Variants in GMPS observed in about 807,000 individuals in gnomAD.
GMPS encodes GMP synthase [glutamine-hydrolyzing].
In GMPS, 15 loss-of-function variants were observed where a neutral mutation model predicts 77.9. The ratio of observed to expected loss-of-function variants is 0.19; its 90% CI spans 0.13 to 0.30. The LOEUF is 0.30. Among genes scored for constraint, GMPS ranks in the 10% least tolerant of loss-of-function variants. The pLI, the probability that GMPS is intolerant of heterozygous loss-of-function variation, is 1.00. For missense variants in GMPS, 590 were observed against 838.8 expected, an observed-to-expected ratio of 0.70 and a Z score of 3.66; for synonymous variants, 224 against 275.9, an observed-to-expected ratio of 0.81 and a Z score of 1.86.
chr3:155,896,565 C>G (rs1214065713), intron 2 of GMPS, among the ~76,000 whole-genome samples: 1 of 148,502 alleles, frequency 6.7e-6, no homozygotes, highest in African/African-American at 2.5e-5. Context: ...TTTTTTTTTT[C>G]TCTCACTGTT....
chr3:155,943,541 AT>A lies in GMPS; in HGVS notation c.*5855del, dbSNP rs1755944686. 1 of 178,714 alleles carries A rather than the reference AT, an allele frequency of 5.6e-6. No homozygotes were observed. Among genetic ancestry groups the A allele is most frequent in the Admixed American group, 6.3e-5 (1 of 15,874 alleles). 11.1% of individuals were successfully genotyped at this position (178,714 alleles called of 1,614,324 possible). A position where few individuals can be genotyped will look rare whatever the true frequency, so the allele number is the denominator to read the frequency against. On this transcript the variant is annotated 3_prime_UTR_variant, in exon 16 of 16. Transcript: ENST00000496455. ...TGAATGTAAACCTCCTTTTGAACAT[AT>A]TTTTTATAAAGAAATATTTTGTTAA...
At position 155,870,786 on chromosome 3, in the gene GMPS, C is replaced by G. The variant is rs1194871151; in HGVS notation, c.-85C>G. On this transcript the variant is annotated 5_prime_UTR_variant, in exon 1 of 16. Coordinates refer to ENST00000496455, the MANE Select transcript of GMPS (RefSeq NM_003875.3). ...CTCGACCAGGCCTCCTTCTCAACCT[C>G]AGCCCGCGGCGCCGACCCTTCCGGC... 3 of 927,222 alleles carry G rather than the reference C, an allele frequency of 3.2e-6. No individual in the cohort carries two copies. Among genetic ancestry groups the G allele is most frequent in the Non-Finnish European group, 4.9e-6 (3 of 610,014 alleles). The allele number at this position is 927,222 out of a possible 1,614,324, so 57.4% of individuals were successfully genotyped here.
At chr3:155,890,195 C>A (rs919717144) in intron 1 of GMPS, among the ~76,000 whole-genome samples, 1 of 152,184 alleles carries the variant, frequency 6.6e-6, no homozygotes, top group African/African-American at 2.4e-5. Context: ...GATTCAGTTT[C>A]TTCAGTAATC....
At chr3:155,914,011 ATC>A (rs1280232657) in intron 7 of GMPS, among the ~76,000 whole-genome samples, 2 of 151,892 alleles carry the variant, frequency 1.3e-5, no homozygotes, top group Non-Finnish European at 2.9e-5. Flanking sequence ...CAGTGGCACA[ATC>A]TCTGCTCACT....
chr3:155,925,044 C>T (rs1755416665), intron 11 of GMPS, among the ~76,000 whole-genome samples, 197 bp from the exon 12 acceptor site: 1 of 152,194 alleles, frequency 6.6e-6, no homozygotes, highest in African/African-American at 2.4e-5. Context: ...ATCTGCATTT[C>T]TTATCCTAAG....
intron 10 of GMPS, among the ~76,000 whole-genome samples, chr3:155,919,625 TTAA>T (rs1755267871): frequency 6.6e-6 from 1 of 152,210 alleles, no homozygotes; most frequent in Non-Finnish European, 1.5e-5. Context: ...TAAAGATATT[TTAA>T]TAATATTGCC....
intron 13 of GMPS, among the ~76,000 whole-genome samples, chr3:155,932,144 G>T (rs1444436349): frequency 6.6e-6 from 1 of 152,098 alleles, no homozygotes; most frequent in Non-Finnish European, 1.5e-5. Context: ...TTATTTTAGT[G>T]TAAAATATTA....
In GMPS at chr3:155,911,183, C is replaced by T; in HGVS notation, c.790C>T (p.Gln264Ter). The T allele has an allele frequency of 1.2e-6, 2 of 1,612,348 alleles. No individual in the cohort carries two copies. Among genetic ancestry groups the T allele is most frequent in the Non-Finnish European group, 1.7e-6 (2 of 1,178,520 alleles). The change falls in exon 7 of 16, where the codon CAA (glutamine) becomes TAA (stop). Residue 264 changes from glutamine to a stop codon, truncating the protein, a stop_gained. Coordinates refer to ENST00000496455, the MANE Select transcript of GMPS (RefSeq NM_003875.3). LOFTEE classifies it high-confidence loss of function. ...ALLNRALNQE[Q>*]VIAVHIDNGF... ...GCTAAATCGTGCTTTGAACCAAGAACAAGTCATTGCTGTGCACATTGATAA... is the reference window on the plus strand; with the variant it reads ...GCTAAATCGTGCTTTGAACCAAGAATAAGTCATTGCTGTGCACATTGATAA...
In GMPS at chr3:155,942,241, T is replaced by G; in HGVS notation, c.*4549T>G. On this transcript the variant is annotated 3_prime_UTR_variant, in exon 16 of 16. Transcript: ENST00000496455. ...AGCTGGGACTACAGGCGCCCGCCACTACGCCCGGCTAATTTTTTTGTACTT... is the reference window on the plus strand; with the variant it reads ...AGCTGGGACTACAGGCGCCCGCCACGACGCCCGGCTAATTTTTTTGTACTT... 5.5e-6 allele frequency: 1 copy of G among 181,744 alleles called. No homozygotes were observed. Among genetic ancestry groups the G allele is most frequent in the East Asian group, 9.1e-5 (1 of 10,976 alleles). 11.3% of individuals were successfully genotyped at this position (181,744 alleles called of 1,614,324 possible). A position where few individuals can be genotyped will look rare whatever the true frequency, so the allele number is the denominator to read the frequency against.
At chr3:155,883,753 AGAGT>A (rs1439263705) in intron 1 of GMPS, among the ~76,000 whole-genome samples, 2 of 152,234 alleles carry the variant, frequency 1.3e-5, no homozygotes, top group Non-Finnish European at 2.9e-5. Context: ...TCAGGAATGC[AGAGT>A]GAGTCAAGAC....
chr3:155,905,012 G>A (rs1223757772), intron 4 of GMPS, among the ~76,000 whole-genome samples: 1 of 151,480 alleles, frequency 6.6e-6, no homozygotes, highest in Non-Finnish European at 1.5e-5. Flanking sequence ...TATTTATTTT[G>A]TAATTTAATT....
At position 155,941,266 on chromosome 3, in the gene GMPS, C is replaced by T. The variant is rs1480423585; in HGVS notation, c.*3574C>T. ...AAAAATACAACAAATTAGCTGGGCGCGGTGGCGGGTGCCTGTAGTCCCAGC... is the reference window on the plus strand; with the variant it reads ...AAAAATACAACAAATTAGCTGGGCGTGGTGGCGGGTGCCTGTAGTCCCAGC... On this transcript the variant is annotated 3_prime_UTR_variant, in exon 16 of 16. Transcript: ENST00000496455. 2 of 175,912 alleles carry T rather than the reference C, an allele frequency of 1.1e-5. No homozygotes were observed. The highest frequency in any genetic ancestry group is 9.7e-5 in the East Asian group (1 of 10,286). 10.9% of individuals were successfully genotyped at this position (175,912 alleles called of 1,614,324 possible). A position where few individuals can be genotyped will look rare whatever the true frequency, so the allele number is the denominator to read the frequency against.
At chr3:155,899,653 A>T (rs1754686155) in intron 3 of GMPS, among the ~76,000 whole-genome samples, 1 of 152,120 alleles carries the variant, frequency 6.6e-6, no homozygotes, top group Non-Finnish European at 1.5e-5. Context: ...TTCATTCTTG[A>T]TTTTTGTACA....
rs1367493031 is a variant in GMPS at position 155,887,128 on chromosome 3, C to T, written c.28-6390C>T. 8.5e-5 allele frequency among the ~76,000 whole-genome samples: 13 copies of T among 152,134 alleles called. No homozygotes were observed. In the South Asian group the frequency reaches 2.7e-3, roughly 32 times the overall value. ...TTTTCAGCCAGAAAGGACAGCATAC[C>T]ACTCTGGAGCAATAGAGAATTTTAA... is the stretch of plus-strand genomic sequence containing the variant. On this transcript the variant is annotated intron_variant, in intron 1 of 15. Coordinates refer to ENST00000496455, the MANE Select transcript of GMPS (RefSeq NM_003875.3).
chr3:155,874,492 A>G (rs1267925170), intron 1 of GMPS, among the ~76,000 whole-genome samples: 2 of 152,234 alleles, frequency 1.3e-5, no homozygotes, highest in African/African-American at 4.8e-5. Context: ...TTAAACAACT[A>G]TATCACCTTT....
At chr3:155,907,255 G>A (rs973273707) in intron 5 of GMPS, among the ~76,000 whole-genome samples, 3 of 152,104 alleles carry the variant, frequency 2.0e-5, no homozygotes, top group African/African-American at 7.2e-5. Context: ...TACCTATTAT[G>A]TGTCATGCAC....
chr3:155,897,363 G>A (rs1403361387), intron 2 of GMPS, among the ~76,000 whole-genome samples: 3 of 152,170 alleles, frequency 2.0e-5, no homozygotes, highest in African/African-American at 7.2e-5. Flanking sequence ...CAGGGCATGT[G>A]GGGGCAGAAG....
At chr3:155,876,166 C>G (rs1309559772) in intron 1 of GMPS, among the ~76,000 whole-genome samples, 4 of 152,106 alleles carry the variant, frequency 2.6e-5, no homozygotes, top group Non-Finnish European at 5.9e-5. Flanking sequence ...CACAAATACC[C>G]CATATTTCCC....
At chr3:155,903,307 G>A (rs1754776958) in intron 3 of GMPS, among the ~76,000 whole-genome samples, 2 of 152,196 alleles carry the variant, frequency 1.3e-5, no homozygotes, top group Admixed American at 6.5e-5. Context: ...GAAATCAGTC[G>A]ATAAGCGTAT....
Sources: allele counts gnomAD v4.1 joint callset (sites outside exome capture counted in the v4.1 genomes callset), GRCh38; gene constraint gnomAD v4.1.1; transcripts MANE v1.5; gene names NCBI Gene and HGNC (gene_info 2026-07-23, HGNC 2026-07-21).